The following MAF variants were observed in gnomAD, a reference collection of about 807,000 sequenced individuals.
The protein encoded by MAF is transcription factor Maf.
A neutral mutation model predicts 22.0 loss-of-function variants in MAF; 10 were observed. The ratio of observed to expected loss-of-function variants is 0.45; its 90% confidence interval spans 0.28 to 0.77. The LOEUF is 0.77. Ranked by LOEUF, MAF falls within the 30% of genes least tolerant of loss-of-function variation. The pLI, the probability that MAF is intolerant of heterozygous loss-of-function variation, is 0.12. For synonymous variants in MAF, 337 were observed against 255.8 expected, an observed-to-expected ratio of 1.32 and a Z score of -3.03; for missense variants, 544 against 548.4, an observed-to-expected ratio of 0.99 and a Z score of 0.08.
chr16:79,386,734 G>C, the MAF span, among the ~76,000 whole-genome samples: 1 of 152,138 alleles, frequency 6.6e-6, no homozygotes, highest in African/African-American at 2.4e-5. Context: ...CTCAGTGATG[G>C]GGTCGTGGAA....
the MAF span, among the ~76,000 whole-genome samples, chr16:79,490,626 TCA>T: frequency 8.1e-5 from 1 of 12,410 alleles, no homozygotes; most frequent in South Asian, 4.7e-3. Context: ...ACACACACAC[TCA>T]CACATGCATA....
the MAF span, among the ~76,000 whole-genome samples, chr16:79,300,803 AG>A: frequency 6.6e-6 from 1 of 151,936 alleles, no homozygotes; most frequent in African/African-American, 2.4e-5. Flanking sequence ...ATTTGTGTTC[AG>A]TTTTTTTATT....
the MAF span, among the ~76,000 whole-genome samples, chr16:79,493,595 G>A: frequency 2.0e-5 from 3 of 152,318 alleles, no homozygotes; most frequent in South Asian, 6.2e-4. Context: ...TTACAGGCAT[G>A]AGCCACTGTG....
At chr16:79,428,570 T>A in the MAF span, among the ~76,000 whole-genome samples, 2 of 152,096 alleles carry the variant, frequency 1.3e-5, no homozygotes, top group Non-Finnish European at 2.9e-5. Flanking sequence ...CAGGGTGCAG[T>A]GGCTCACACC....
chr16:79,582,423 C>T (rs1912577136), downstream of MAF, among the ~76,000 whole-genome samples: 1 of 152,134 alleles, frequency 6.6e-6, no homozygotes, highest in Non-Finnish European at 1.5e-5. Context: ...TTTCTAAATG[C>T]TTAATGTTTC....
At chr16:79,217,206 G>C in the MAF span, among the ~76,000 whole-genome samples, 1 of 152,206 alleles carries the variant, frequency 6.6e-6, no homozygotes, top group South Asian at 2.1e-4. Context: ...GGATGAAAGT[G>C]AGTTTTAGAG....
At chr16:79,310,776 C>T in the MAF span, among the ~76,000 whole-genome samples, 1 of 152,224 alleles carries the variant, frequency 6.6e-6, no homozygotes, top group African/African-American at 2.4e-5. Context: ...TTCTCAGCTC[C>T]TGCTGCTAAA....
At chr16:79,587,453 CAG>C (rs1162133725) in intron 1 of MAF, among the ~76,000 whole-genome samples, 2 of 151,634 alleles carry the variant, frequency 1.3e-5, no homozygotes, top group African/African-American at 2.4e-5. Context: ...TTAGAAACAA[CAG>C]AGTCTTTTAG....
chr16:79,417,514 C>T, the MAF span, among the ~76,000 whole-genome samples: 5 of 152,076 alleles, frequency 3.3e-5, no homozygotes, highest in African/African-American at 9.7e-5. Context: ...TATGGGCTGG[C>T]GGACTGGTGG....
the MAF span, among the ~76,000 whole-genome samples, chr16:79,404,159 A>AT: frequency 8.3e-6 from 1 of 119,948 alleles, no homozygotes; most frequent in African/African-American, 3.5e-5. Context: ...TACCGTCTGG[A>AT]TTTTCTTTTT....
the MAF span, among the ~76,000 whole-genome samples, chr16:79,510,692 T>C: frequency 3.7e-4 from 57 of 152,320 alleles, 1 homozygote; most frequent in African/African-American, 1.4e-3. Flanking sequence ...ACCTGTGCCC[T>C]CAAAGGGGAC....
the MAF span, among the ~76,000 whole-genome samples, chr16:79,544,930 G>T: frequency 3.9e-5 from 6 of 152,140 alleles, no homozygotes; most frequent in African/African-American, 1.4e-4. Context: ...TCCTTAGACA[G>T]GACTTTCATG....
At chr16:79,286,963 CAAAA>C in the MAF span, among the ~76,000 whole-genome samples, 1 of 152,074 alleles carries the variant, frequency 6.6e-6, no homozygotes, top group South Asian at 2.1e-4. Flanking sequence ...AACAAACAGA[CAAAA>C]AAACCCTTTG....
At chr16:79,244,796 C>A in the MAF span, among the ~76,000 whole-genome samples, 1 of 152,068 alleles carries the variant, frequency 6.6e-6, no homozygotes, top group Non-Finnish European at 1.5e-5. Flanking sequence ...CTGGAGGCAT[C>A]ATGCTACCTG....
the MAF span, among the ~76,000 whole-genome samples, chr16:79,541,662 GTTTTT>G: frequency 3.1e-4 from 38 of 123,872 alleles, no homozygotes; most frequent in African/African-American, 1.1e-3. Flanking sequence ...GGTTTTTTTA[GTTTTT>G]TTTTTTTTTT....
downstream of MAF, among the ~76,000 whole-genome samples, chr16:79,591,351 C>A (rs991190679): frequency 6.6e-6 from 1 of 152,264 alleles, no homozygotes; most frequent in South Asian, 2.1e-4. Flanking sequence ...TCCCAAAGCT[C>A]AGCAGACACG....
At chr16:79,474,574 G>A in the MAF span, among the ~76,000 whole-genome samples, 13 of 152,318 alleles carry the variant, frequency 8.5e-5, no homozygotes, top group South Asian at 2.1e-4. Context: ...GCTAGGAGAC[G>A]TGCAGGGAGA....
chr16:79,402,969 G>A, the MAF span, among the ~76,000 whole-genome samples: 3 of 152,170 alleles, frequency 2.0e-5, no homozygotes, highest in African/African-American at 4.8e-5. Context: ...CCCACCCATG[G>A]TTACCCTGTT....
chr16:79,359,704 C>G, the MAF span, among the ~76,000 whole-genome samples: 3 of 152,284 alleles, frequency 2.0e-5, no homozygotes, highest in African/African-American at 7.2e-5. Flanking sequence ...TAGCCAAGAG[C>G]TTGGGGGTCA....
Sources: allele counts gnomAD v4.1 joint callset (sites outside exome capture counted in the v4.1 genomes callset), GRCh38; gene constraint gnomAD v4.1.1; transcripts MANE v1.5; gene names NCBI Gene and HGNC (gene_info 2026-07-23, HGNC 2026-07-21).